The following PLD5 variants were observed in gnomAD, a reference collection of about 807,000 sequenced individuals.
The protein encoded by PLD5 is inactive phospholipase D5.
In PLD5, 36 loss-of-function variants were observed where a neutral mutation model predicts 61.1. That is an observed-to-expected ratio of 0.59 (90% CI 0.45 to 0.78). The LOEUF is 0.78. Among genes scored for constraint, PLD5 ranks in the 30% least tolerant of loss-of-function variants. The pLI is 0.00. For missense variants in PLD5, 515 were observed against 644.4 expected (o/e 0.80, Z 2.17); for synonymous variants, 243 against 242.8 (o/e 1.00, Z -0.01).
At chr1:242,486,624 T>G (rs867669331) in intron 1 of PLD5, among the ~76,000 whole-genome samples, 1 of 152,184 alleles carries the variant, frequency 6.6e-6, no homozygotes, top group African/African-American at 2.4e-5. Context: ...GACTGTAAAC[T>G]AGTTCAACCA....
rs201672198 is a variant in PLD5, at chr1:242,321,215, T to TA, written c.326+26890dup. On this transcript the variant is annotated intron_variant, in intron 2 of 9. Transcript: ENST00000536534. ...AGCCAGGCCTCCCCTTGACCCATTC[T>TA]AAAAAAAAAATAATGGAGAGTTTGA... Among the ~76,000 whole-genome samples, 1,212 of 146,654 alleles carry TA rather than the reference T, an allele frequency of 8.3e-3. 16 individuals carry two copies. The highest frequency in any genetic ancestry group is 0.025 in the African/African-American group (1,021 of 40,140).
Position 242,214,555 on chromosome 1 carries a change from C to T in PLD5, c.735+5433G>A, listed in dbSNP as rs143412599. 2.1e-3 allele frequency among the ~76,000 whole-genome samples: 313 copies of T among 152,306 alleles called. 1 individual carries two copies. The highest frequency in any genetic ancestry group is 7.1e-3 in the African/African-American group (295 of 41,566). On this transcript the variant is annotated intron_variant, in intron 5 of 9. Transcript: ENST00000536534. ...CAAGCAGACCTTCAGGTTATGATAT[C>T]ACTGCTTGACTAAGCCATGCAATTG...
intron 9 of PLD5, among the ~76,000 whole-genome samples, chr1:242,097,445 A>C (rs1271493493): frequency 1.3e-5 from 2 of 152,162 alleles, no homozygotes. Flanking sequence ...TGCCATTCTA[A>C]CTGGGGTGAG....
chr1:242,362,852 C>T (rs1436252432), intron 1 of PLD5, among the ~76,000 whole-genome samples: 2 of 152,122 alleles, frequency 1.3e-5, no homozygotes, highest in African/African-American at 2.4e-5. Context: ...AGGCACCCCT[C>T]GCTGTACATA....
At chr1:242,184,035 C>T (rs1337751867) in intron 5 of PLD5, among the ~76,000 whole-genome samples, 2 of 152,208 alleles carry the variant, frequency 1.3e-5, no homozygotes, top group Non-Finnish European at 2.9e-5. Flanking sequence ...ATTAATTTTT[C>T]ATTCCCACAG....
chr1:242,298,178 T>C (rs1308417469), intron 2 of PLD5, among the ~76,000 whole-genome samples: 5 of 152,150 alleles, frequency 3.3e-5, no homozygotes, highest in Non-Finnish European at 5.9e-5. Flanking sequence ...TTTGAGTTGG[T>C]GGTAGCAGAT....
In PLD5 at chr1:242,393,628, GTA is replaced by G. The variant is rs1258492345; in HGVS notation, c.190-45388_190-45387del. On this transcript the variant is annotated intron_variant, in intron 1 of 9. Coordinates refer to ENST00000536534, the MANE Select transcript of PLD5 (RefSeq NM_001372062.1). ...TGAGCATATATGTGTATATATATGA[GTA>G]TATATATGTGTATATATATGAGTAT... Among the ~76,000 whole-genome samples, 34 of 72,556 alleles carry G rather than the reference GTA, an allele frequency of 4.7e-4. 5 individuals are homozygous for G. The highest frequency in any genetic ancestry group is 2.9e-3 in the East Asian group (10 of 3,416). 47.6% of individuals were successfully genotyped at this position (72,556 alleles called of 152,430 possible).
intron 1 of PLD5, among the ~76,000 whole-genome samples, chr1:242,479,434 G>A (rs1546333): frequency 0.039 from 5,949 of 152,228 alleles, 101 homozygotes; most frequent in Middle Eastern, 0.051. Flanking sequence ...TTACAGGACC[G>A]TTGAAACATA....
At chr1:242,278,155 T>C (rs1380252961) in intron 3 of PLD5, among the ~76,000 whole-genome samples, 2 of 151,212 alleles carry the variant, frequency 1.3e-5, no homozygotes, top group Non-Finnish European at 3.0e-5. Flanking sequence ...TCGTGAGAGG[T>C]TCTTACTAAT....
chr1:242,356,946 A>G (rs1405457474), intron 1 of PLD5, among the ~76,000 whole-genome samples: 2 of 151,988 alleles, frequency 1.3e-5, no homozygotes, highest in African/African-American at 4.8e-5. Flanking sequence ...CACTAGGGAT[A>G]AAATTATGTT....
intron 1 of PLD5, among the ~76,000 whole-genome samples, chr1:242,467,402 G>A (rs187109390): frequency 6.6e-6 from 1 of 152,136 alleles, no homozygotes; most frequent in Admixed American, 6.5e-5. Flanking sequence ...CTTTTGTACT[G>A]CTTAAATTTC....
rs543114998 is a variant in PLD5, at chr1:242,192,561, G to GA, written c.735+27426dup. Among the ~76,000 whole-genome samples the GA allele has an allele frequency of 2.9e-4, 44 of 151,708 alleles. 1 individual carries two copies. The highest frequency in any genetic ancestry group is 7.7e-4 in the African/African-American group (32 of 41,362). ...CTGTGTCTTATCACAGCATGTTTGG[G>GA]AAAAAAAACATTTTCCTCCAAAACA... is the stretch of plus-strand genomic sequence containing the variant. On this transcript the variant is annotated intron_variant, in intron 5 of 9. Transcript: ENST00000536534.
Position 242,398,593 on chromosome 1 carries a change from A to C in PLD5, c.190-50351T>G, listed in dbSNP as rs572468153. ...ATTGTAATCATAGATACCACGGTTT[A>C]GTGGAAAAAAACAGACTTGGGAGTT... On this transcript the variant is annotated intron_variant, in intron 1 of 9. Transcript: ENST00000536534. 2.6e-5 allele frequency among the ~76,000 whole-genome samples: 4 copies of C among 152,340 alleles called. No homozygotes were observed. The East Asian group carries it at 7.7e-4, about 29-fold the overall frequency.
At chr1:242,098,047 C>T (rs956692194) in intron 9 of PLD5, among the ~76,000 whole-genome samples, 10 of 152,210 alleles carry the variant, frequency 6.6e-5, no homozygotes, top group Non-Finnish European at 1.3e-4. Context: ...GTCAAAGATC[C>T]TCTTCTCAAG....
chr1:242,112,214 TAAAAAG>T (rs1661558125), intron 7 of PLD5, among the ~76,000 whole-genome samples: 1 of 146,134 alleles, frequency 6.8e-6, no homozygotes, highest in Admixed American at 6.9e-5. Flanking sequence ...GGAGGAAAAA[TAAAAAG>T]GAGGGATAGA....
In PLD5 at chr1:242,354,966, T is replaced by A. The variant is rs561142223; in HGVS notation, c.190-6724A>T. Among the ~76,000 whole-genome samples the A allele has an allele frequency of 5.8e-4, 88 of 152,248 alleles. 1 individual carries two copies. The highest frequency in any genetic ancestry group is 5.7e-3 in the Admixed American group (87 of 15,292). ...TGGATATATCCTTGCATCCCAGGGA[T>A]AGATCCCATTTGATCATGGTAAATG... On this transcript the variant is annotated intron_variant, in intron 1 of 9. Transcript: ENST00000536534.
At chr1:242,137,447 A>G (rs1478094079) in intron 5 of PLD5, among the ~76,000 whole-genome samples, 2 of 152,182 alleles carry the variant, frequency 1.3e-5, no homozygotes, top group African/African-American at 4.8e-5. Context: ...CTAGCTCCAG[A>G]TAGTCGCTAC....
rs1179639725 is a variant in PLD5, at chr1:242,394,915, T to TATGAATATATAG, written c.190-46674_190-46673insCTATATATTCAT. Reference sequence around the variant, plus strand: ...ATATATGATTATATATGAATATATATGTATATATGTATACATTATATGAAT... The same window carrying TATGAATATATAG: ...ATATATGATTATATATGAATATATATATGAATATATAGGTATATATGTATACATTATATGAAT... On this transcript the variant is annotated intron_variant, in intron 1 of 9. Coordinates refer to ENST00000536534, the MANE Select transcript of PLD5 (RefSeq NM_001372062.1). 4.3e-3 allele frequency among the ~76,000 whole-genome samples: 529 copies of TATGAATATATAG among 123,012 alleles called. 9 individuals carry two copies. The highest frequency in any genetic ancestry group is 6.5e-3 in the Non-Finnish European group (404 of 62,122). 80.7% of individuals were successfully genotyped at this position (123,012 alleles called of 152,430 possible). A position where few individuals can be genotyped will look rare whatever the true frequency, so the allele number is the denominator to read the frequency against.
chr1:242,277,706 G>A (rs1674491885), intron 3 of PLD5, among the ~76,000 whole-genome samples: 1 of 150,096 alleles, frequency 6.7e-6, no homozygotes, highest in Admixed American at 6.7e-5. Flanking sequence ...CTTTAGGCTG[G>A]GCACAGTGGC....
Sources: allele counts gnomAD v4.1 joint callset (sites outside exome capture counted in the v4.1 genomes callset), GRCh38; gene constraint gnomAD v4.1.1; transcripts MANE v1.5; gene names NCBI Gene and HGNC (gene_info 2026-07-23, HGNC 2026-07-21).